Variants in PMEL observed in about 807,000 individuals in gnomAD.
PMEL encodes the protein premelanosome protein.
A neutral mutation model predicts 64.9 loss-of-function variants in PMEL; 53 were observed. The ratio of observed to expected loss-of-function variants is 0.82; its 90% confidence interval spans 0.66 to 1.03. The LOEUF (loss-of-function observed/expected upper bound fraction) is 1.03, where lower values mean the gene tolerates loss of function less well. Ranked by LOEUF, PMEL falls within the 50% of genes least tolerant of loss-of-function variation. The pLI is 0.00. For synonymous variants in PMEL, 299 were observed against 316.2 expected (o/e 0.95, Z 0.58); for missense variants, 716 against 814.9 (o/e 0.88, Z 1.48).
intron 1 of PMEL, among the ~76,000 whole-genome samples, chr12:55,965,517 T>C (rs1391065599): frequency 6.6e-6 from 1 of 151,708 alleles, no homozygotes; most frequent in African/African-American, 2.4e-5. Context: ...GTCTGGGCTG[T>C]GTTCACCCGT....
At position 55,955,333 on chromosome 12, in the gene PMEL, C is replaced by T. The variant is rs3741503; in HGVS notation, c.1791G>A (p.Pro597=). The T allele has an allele frequency of 1.9e-5, 31 of 1,614,074 alleles. No individual in the cohort carries two copies. In the East Asian group the frequency reaches 4.9e-4, roughly 26 times the overall value. ...ACACCAGCAAGATGCCCACGATCAG[C>T]GGAACCTGCCCAAGGCCTGCTTCTT... is the stretch of plus-strand genomic sequence containing the variant. ...PGQEAGLGQV[P]LIVGILLVLM... is the part of the protein sequence containing the mutation. Residue 597 remains proline, a synonymous_variant, in exon 10 of 11, where the codon CCG becomes CCA. Coordinates refer to ENST00000548747, the MANE Select transcript of PMEL (RefSeq NM_001384361.1).
At chr12:55,962,470 A>AC (rs1233935462) in intron 1 of PMEL, among the ~76,000 whole-genome samples, 5 of 142,280 alleles carry the variant, frequency 3.5e-5, no homozygotes, top group Admixed American at 1.4e-4. Context: ...AAAAAAAAAA[A>AC]ACACAAAAAA....
chr12:55,955,401 G>GC, intron 9 of PMEL, 40 bp from the exon 10 acceptor site: 2 of 1,613,016 alleles, frequency 1.2e-6, no homozygotes. Flanking sequence ...CTCAGTGTCT[G>GC]CTGCTTGCCA....
rs1360490685 is a variant in PMEL, at chr12:55,955,381, C to T, written c.1763-20G>A. 6 of 1,613,826 alleles carry T rather than the reference C, an allele frequency of 3.7e-6. No individual in the cohort carries two copies. Among genetic ancestry groups the T allele is most frequent in the African/African-American group, 1.3e-5 (1 of 74,910 alleles). ...CTTGACCTGTGAGAAGAATCCCAGG[C>T]ACTGCTTCACTCAGTGTCTGCTGCT... On this transcript the variant is annotated intron_variant, in intron 9 of 10. Coordinates refer to ENST00000548747, the MANE Select transcript of PMEL (RefSeq NM_001384361.1).
At chr12:55,958,758 G>A (rs1028136661) in intron 3 of PMEL, 151 bp from the exon 4 acceptor site, 3 of 763,708 alleles carry the variant, frequency 3.9e-6, no homozygotes, top group African/African-American at 1.8e-5. Context: ...ATTTGGGGTG[G>A]TAGTTGGGGG....
rs778478130 is a variant in PMEL, at chr12:55,958,511, G to C, written c.431C>G (p.Ser144Cys). 6 of 1,614,160 alleles carry C rather than the reference G, an allele frequency of 3.7e-6. No individual in the cohort carries two copies. The highest frequency in any genetic ancestry group is 5.1e-6 in the Non-Finnish European group (6 of 1,180,016). Residue 144 changes from serine to cysteine, a missense_variant, in exon 4 of 11, where the codon TCT becomes TGT. Coordinates refer to ENST00000548747, the MANE Select transcript of PMEL (RefSeq NM_001384361.1). ...GACATAAACAAAGCTTCTCTTCTGA[G>C]ACCAAGAGCCAGATGGGCAAGGTCC... ...DGGPCPSGSW[S>C]QKRSFVYVWK...
upstream of PMEL, chr12:55,966,622 T>G: frequency 9.8e-7 from 1 of 1,015,626 alleles, no homozygotes; most frequent in Non-Finnish European, 1.2e-6. Flanking sequence ...TTGGGAAGAG[T>G]GTTCAGCCGC....
rs768143873 is a variant in PMEL at position 55,958,097 on chromosome 12, G to T, written c.470-13C>A. 6 of 1,613,452 alleles carry T rather than the reference G, an allele frequency of 3.7e-6. No homozygotes were observed. Among genetic ancestry groups the T allele is most frequent in the Non-Finnish European group, 5.1e-6 (6 of 1,179,634 alleles). ...TGCCAGTATTGGCCTGAAGTTTTTG[G>T]AATGAAAAGCAAGGAAGAAGAGATT... On this transcript the variant is annotated splice_polypyrimidine_tract_variant and intron_variant, in intron 4 of 10. Transcript: ENST00000548747.
intron 1 of PMEL, among the ~76,000 whole-genome samples, chr12:55,964,361 T>C (rs923156455): frequency 6.6e-6 from 1 of 152,012 alleles, no homozygotes; most frequent in Non-Finnish European, 1.5e-5. Context: ...GGTTTCTCTA[T>C]GTTGGTCAGG....
rs1273294535 is a variant in PMEL at position 55,956,951 on chromosome 12, G to A, written c.1352C>T (p.Thr451Ile). ...CTCATTCGCACTGATACTCTTACCT[G>A]TAATACTTTCCGTAGACATGATTGA... ...ASSIMSTESITGSLGPLLDGT... is the reference protein window; with the variant it reads ...ASSIMSTESIIGSLGPLLDGT... The change falls in exon 6 of 11, where the codon ACA (threonine) becomes ATA (isoleucine). Residue 451 changes from threonine (T) to isoleucine (I), a missense_variant and splice_region_variant. Coordinates refer to ENST00000548747, the MANE Select transcript of PMEL (RefSeq NM_001384361.1). 1.2e-6 allele frequency: 2 copies of A among 1,613,942 alleles called. No individual in the cohort carries two copies. The highest frequency in any genetic ancestry group is 4.5e-5 in the East Asian group (2 of 44,878).
Position 55,965,790 on chromosome 12 carries a change from G to T in PMEL, c.76+146C>A. The T allele has an allele frequency of 1.3e-5, 12 of 910,800 alleles. No homozygotes were observed. In the South Asian group the frequency reaches 1.8e-4, roughly 14 times the overall value. The allele number at this position is 910,800 out of a possible 1,614,324, so 56.4% of individuals were successfully genotyped here. A position where few individuals can be genotyped will look rare whatever the true frequency, so the allele number is the denominator to read the frequency against. On this transcript the variant is annotated intron_variant, in intron 1 of 10. Coordinates refer to ENST00000548747, the MANE Select transcript of PMEL (RefSeq NM_001384361.1). Reference sequence around the variant, plus strand: ...TCCCAAATCTCCATGTAGGGAGGGAGCCCAGGTGCCCACATCCTCACTAAA... The same window carrying T: ...TCCCAAATCTCCATGTAGGGAGGGATCCCAGGTGCCCACATCCTCACTAAA...
In PMEL at chr12:55,957,264, C is replaced by T; in HGVS notation, c.1039G>A (p.Gly347Arg). Reference protein sequence around the residue: ...PGQAPTAEPSGTTSVQVPTTE... With the variant: ...PGQAPTAEPSRTTSVQVPTTE... ...GTTGGCACCTGCACAGATGTGGTTCCAGAGGGCTCTGCAGTTGGCGCCTGA... is the reference window on the plus strand; with the variant it reads ...GTTGGCACCTGCACAGATGTGGTTCTAGAGGGCTCTGCAGTTGGCGCCTGA... The change falls in exon 6 of 11, where the codon GGA (glycine) becomes AGA (arginine). Residue 347 changes from glycine (G) to arginine (R), a missense_variant. Coordinates refer to ENST00000548747, the MANE Select transcript of PMEL (RefSeq NM_001384361.1). 3 of 1,613,632 alleles carry T rather than the reference C, an allele frequency of 1.9e-6. No individual in the cohort carries two copies. The highest frequency in any genetic ancestry group is 1.7e-6 in the Non-Finnish European group (2 of 1,179,574).
In PMEL at chr12:55,955,763, C is replaced by T. The variant is rs1362074983; in HGVS notation, c.1556+16G>A. 1.2e-6 allele frequency: 2 copies of T among 1,611,546 alleles called. No homozygotes were observed. Among genetic ancestry groups the T allele is most frequent in the Admixed American group, 3.3e-5 (2 of 60,026 alleles). ...AGTCAACCAAAGAGTTACCAGCACA[C>T]TAGTGAGACACTCACCCGCCTTGGC... On this transcript the variant is annotated intron_variant, in intron 8 of 10. Coordinates refer to ENST00000548747, the MANE Select transcript of PMEL (RefSeq NM_001384361.1).
In PMEL at chr12:55,955,858, T is replaced by C; in HGVS notation, c.1477A>G (p.Ile493Val). The change falls in exon 8 of 11, where the codon ATT (isoleucine) becomes GTT (valine). Residue 493 changes from isoleucine to valine, a missense_variant. Coordinates refer to ENST00000548747, the MANE Select transcript of PMEL (RefSeq NM_001384361.1). Reference sequence around the variant, plus strand: ...GCCTGCAGGATCTCGGCACTTTCAATACCCTCTGCAGAGTTGCAAGCTTAT... The same window carrying C: ...GCCTGCAGGATCTCGGCACTTTCAACACCCTCTGCAGAGTTGCAAGCTTAT... ...FSVTLDIVQG[I>V]ESAEILQAVP... The C allele has an allele frequency of 6.2e-7, 1 of 1,613,570 alleles. No homozygotes were observed. Among genetic ancestry groups the C allele is most frequent in the Non-Finnish European group, 8.5e-7 (1 of 1,179,526 alleles).
chr12:55,957,433 C>T lies in PMEL; in HGVS notation c.870G>A (p.Val290=). Residue 290 remains valine, a synonymous_variant, in exon 6 of 11, where the codon GTG becomes GTA. Coordinates refer to ENST00000548747, the MANE Select transcript of PMEL (RefSeq NM_001384361.1). ...YLEPGPVTAQ[V]VLQAAIPLTS... Reference sequence around the variant, plus strand: ...TGAGAGGAATGGCAGCCTGCAGGACCACCTGGGCAGTGACTGGGCCAGGCT... The same window carrying T: ...TGAGAGGAATGGCAGCCTGCAGGACTACCTGGGCAGTGACTGGGCCAGGCT... The T allele has an allele frequency of 6.2e-7, 1 of 1,611,312 alleles. No individual in the cohort carries two copies. The highest frequency in any genetic ancestry group is 8.5e-7 in the Non-Finnish European group (1 of 1,178,210).
chr12:55,958,345 CT>C, intron 4 of PMEL, 127 bp downstream of exon 4: 1 of 1,008,968 alleles, frequency 9.9e-7, no homozygotes, highest in South Asian at 1.6e-5. Flanking sequence ...GAGAAAAGAT[CT>C]AAGAGGAAAA....
chr12:55,957,517 A>T lies in PMEL; in HGVS notation c.786T>A (p.Phe262Leu). Reference protein sequence around the residue: ...AEADLSYTWDFGDSSGTLISR... With the variant: ...AEADLSYTWDLGDSSGTLISR... ...AGATCAGGGTTCCACTACTGTCTCC[A>T]AAGTCCCAGGTGTAGGAGAGGTCAG... is the stretch of plus-strand genomic sequence containing the variant. The change falls in exon 6 of 11, where the codon TTT becomes TTA. Residue 262 changes from phenylalanine to leucine, a missense_variant. Physicochemically the swap from Phe to Leu is conservative, Grantham distance 22 (BLOSUM62 0). Coordinates refer to ENST00000548747, the MANE Select transcript of PMEL (RefSeq NM_001384361.1). 1 of 1,614,086 alleles carries T rather than the reference A, an allele frequency of 6.2e-7. No individual in the cohort carries two copies. Among genetic ancestry groups the T allele is most frequent in the Non-Finnish European group, 8.5e-7 (1 of 1,180,008 alleles).
intron 1 of PMEL, among the ~76,000 whole-genome samples, chr12:55,962,597 C>T (rs1293002690): frequency 3.1e-5 from 4 of 127,624 alleles, no homozygotes; most frequent in African/African-American, 1.2e-4. Flanking sequence ...GATCTTGGCT[C>T]ACTATAGCCT....
At position 55,955,732 on chromosome 12, in the gene PMEL, A is replaced by T. The variant is rs1192204109; in HGVS notation, c.1556+47T>A. The T allele has an allele frequency of 1.1e-5, 17 of 1,608,836 alleles. No individual in the cohort carries two copies. The East Asian group carries it at 3.8e-4, about 36-fold the overall frequency. Reference sequence around the variant, plus strand: ...AGGGACACTAAATGCCAGAGAGCGGAGAAACAGTCAACCAAAGAGTTACCA... The same window carrying T: ...AGGGACACTAAATGCCAGAGAGCGGTGAAACAGTCAACCAAAGAGTTACCA... On this transcript the variant is annotated intron_variant, in intron 8 of 10. Transcript: ENST00000548747.
Sources: gnomAD v4.1 joint callset for allele counts (sites outside exome capture counted in the v4.1 genomes callset) on GRCh38, gnomAD v4.1.1 for gene constraint, MANE v1.5 for transcripts, NCBI Gene and HGNC (gene_info 2026-07-23, HGNC 2026-07-21) for gene names.